Variants in CORO2B observed in about 807,000 individuals in gnomAD.
CORO2B encodes the protein coronin 2B.
CORO2B carries 26 observed loss-of-function variants against 58.8 expected under a neutral mutation model. The ratio of observed to expected loss-of-function variants is 0.44; its 90% CI spans 0.32 to 0.61. CORO2B has a LOEUF of 0.61. Among genes scored for constraint, CORO2B ranks in the 20% least tolerant of loss-of-function variants. CORO2B has a pLI of 0.04. For missense variants in CORO2B, 460 were observed against 645.1 expected, an observed-to-expected ratio of 0.71 and a Z score of 3.11; for synonymous variants, 242 against 253.8, an observed-to-expected ratio of 0.95 and a Z score of 0.44.
rs901841064 is a variant in CORO2B at position 68,726,149 on chromosome 15, GC to G, written c.*176del. 3.4e-5 allele frequency: 26 copies of G among 767,232 alleles called. No homozygotes were observed. Among genetic ancestry groups the G allele is most frequent in the Non-Finnish European group, 4.9e-5 (24 of 490,962 alleles). 47.5% of individuals were successfully genotyped at this position (767,232 alleles called of 1,614,324 possible). A position where few individuals can be genotyped will look rare whatever the true frequency, so the allele number is the denominator to read the frequency against. ...CCAACCTCTAACCTCCTGACCTCAT[GC>G]TAATAAAAGTCCCCAGCTTCTGGAG... On this transcript the variant is annotated 3_prime_UTR_variant, in exon 12 of 12. Transcript: ENST00000261861.
At chr15:68,707,261 G>A (rs1022131604) in intron 3 of CORO2B, among the ~76,000 whole-genome samples, 7 of 152,170 alleles carry the variant, frequency 4.6e-5, no homozygotes, top group Non-Finnish European at 1.5e-5. Flanking sequence ...TAAAAATCCA[G>A]TTTTTTAAAG....
chr15:68,537,374 GCA>G, the CORO2B span, among the ~76,000 whole-genome samples: 1 of 152,192 alleles, frequency 6.6e-6, no homozygotes, highest in Non-Finnish European at 1.5e-5. Flanking sequence ...CTAGGCAATA[GCA>G]TGGGCACTCT....
Position 68,617,842 on chromosome 15 carries a change from TG to T in CORO2B, c.16-27314del, listed in dbSNP as rs1444196138. Among the ~76,000 whole-genome samples, 3 of 152,328 alleles carry T rather than the reference TG, an allele frequency of 2.0e-5. No individual in the cohort carries two copies. In the East Asian group the frequency reaches 5.8e-4, roughly 29 times the overall value. On this transcript the variant is annotated intron_variant, in intron 1 of 11. Coordinates refer to ENST00000261861, the MANE Select transcript of CORO2B (RefSeq NM_006091.5). ...CCAGTGGGTGAGCCCTGTGCCTGAA[TG>T]GGGCCCTTAGAGATTGTGGCTGAAT...
chr15:68,682,600 G>T (rs1902827172), intron 2 of CORO2B, among the ~76,000 whole-genome samples: 1 of 152,174 alleles, frequency 6.6e-6, no homozygotes, highest in Non-Finnish European at 1.5e-5. Context: ...GCAGGACTCA[G>T]TGAGCGATTG....
At chr15:68,685,083 G>C (rs750294947) in intron 2 of CORO2B, among the ~76,000 whole-genome samples, 26 of 152,322 alleles carry the variant, frequency 1.7e-4, no homozygotes, top group South Asian at 4.1e-4. Flanking sequence ...TCACCCATCT[G>C]CTGGGTTCAG....
chr15:68,586,084 G>T (rs545700719), intron 1 of CORO2B, among the ~76,000 whole-genome samples: 1 of 152,290 alleles, frequency 6.6e-6, no homozygotes, highest in South Asian at 2.1e-4. Context: ...ATGGCAGTCT[G>T]TCATTTACTT....
At chr15:68,551,071 T>TG in the CORO2B span, among the ~76,000 whole-genome samples, 2 of 152,024 alleles carry the variant, frequency 1.3e-5, no homozygotes, top group Non-Finnish European at 2.9e-5. Context: ...CCTGACTCTC[T>TG]GGGGGGAAGA....
At chr15:68,677,040 CTGGGAT>C (rs1281211849) in intron 2 of CORO2B, among the ~76,000 whole-genome samples, 1 of 152,182 alleles carries the variant, frequency 6.6e-6, no homozygotes, top group East Asian at 1.9e-4. Flanking sequence ...TCCCAAAATG[CTGGGAT>C]TACAGGCATG....
intron 2 of CORO2B, among the ~76,000 whole-genome samples, chr15:68,656,402 G>A (rs1296914713): frequency 2.0e-5 from 3 of 151,880 alleles, no homozygotes; most frequent in African/African-American, 7.3e-5. Context: ...CAAGTGGGTC[G>A]TCAGGTGAGC....
rs1456352274 is a variant in CORO2B at position 68,710,280 on chromosome 15, G to A, written c.334-452G>A. Reference sequence around the variant, plus strand: ...TCCCCCTGCCCAGGGGTCCATCCTGGGTGGGGGACACAGTGGGGGATAAGG... The same window carrying A: ...TCCCCCTGCCCAGGGGTCCATCCTGAGTGGGGGACACAGTGGGGGATAAGG... On this transcript the variant is annotated intron_variant, in intron 3 of 11. Transcript: ENST00000261861. The surrounding 1 kb of genome is among the most constrained non-coding windows in gnomAD (Gnocchi z 4.1). Among the ~76,000 whole-genome samples the A allele has an allele frequency of 6.6e-6, 1 of 152,172 alleles. No individual in the cohort carries two copies. Among genetic ancestry groups the A allele is most frequent in the Non-Finnish European group, 1.5e-5 (1 of 68,034 alleles).
chr15:68,698,458 T>C (rs1259938098), intron 3 of CORO2B, among the ~76,000 whole-genome samples: 2 of 152,126 alleles, frequency 1.3e-5, no homozygotes, highest in African/African-American at 2.4e-5. Context: ...TGCCTCATGC[T>C]CCAGGACCCC....
chr15:68,553,530 T>C, the CORO2B span, among the ~76,000 whole-genome samples: 1 of 152,202 alleles, frequency 6.6e-6, no homozygotes, highest in African/African-American at 2.4e-5. Context: ...GCCAACGCCT[T>C]GGTTTTAGCC....
chr15:68,693,248 G>C (rs951064034), intron 2 of CORO2B, among the ~76,000 whole-genome samples: 1 of 152,168 alleles, frequency 6.6e-6, no homozygotes, highest in African/African-American at 2.4e-5. Context: ...AAACGATCTG[G>C]AAATGAGCCG....
rs1892647401 is a variant in CORO2B at position 68,701,489 on chromosome 15, T to TTA, written c.333+6234_333+6235insAT. ...ACCACGCCCGGCTAATTTTTTTTTTTTTTTTTTTTTTTTTGAGACGGAGTT... is the reference window on the plus strand; with the variant it reads ...ACCACGCCCGGCTAATTTTTTTTTTTTATTTTTTTTTTTTTTGAGACGGAGTT... On this transcript the variant is annotated intron_variant, in intron 3 of 11. Coordinates refer to ENST00000261861, the MANE Select transcript of CORO2B (RefSeq NM_006091.5). Among the ~76,000 whole-genome samples the TTA allele has an allele frequency of 3.4e-5, 4 of 118,238 alleles. No homozygotes were observed. In the South Asian group the frequency reaches 1.3e-3, roughly 38 times the overall value. 77.6% of individuals were successfully genotyped at this position (118,238 alleles called of 152,430 possible).
chr15:68,629,587 G>A (rs1900772023), intron 1 of CORO2B, among the ~76,000 whole-genome samples: 1 of 152,200 alleles, frequency 6.6e-6, no homozygotes, highest in African/African-American at 2.4e-5. Context: ...CCCAGGTGCT[G>A]GGGATGAAAC....
the CORO2B span, among the ~76,000 whole-genome samples, chr15:68,562,853 G>A: frequency 1.6e-3 from 242 of 151,728 alleles, 3 homozygotes; most frequent in African/African-American, 5.7e-3. Flanking sequence ...GGCAGGCGCC[G>A]GTAGAACCAG....
At chr15:68,530,779 G>A in the CORO2B span, among the ~76,000 whole-genome samples, 1 of 152,046 alleles carries the variant, frequency 6.6e-6, no homozygotes, top group Admixed American at 6.6e-5. Context: ...AGTCAAACCA[G>A]TTTTCTTATG....
At chr15:68,563,764 C>CA in the CORO2B span, among the ~76,000 whole-genome samples, 1 of 151,900 alleles carries the variant, frequency 6.6e-6, no homozygotes, top group South Asian at 2.1e-4. Context: ...AATTGTATGC[C>CA]AAAAAACTAG....
the CORO2B span, among the ~76,000 whole-genome samples, chr15:68,544,990 T>C: frequency 2.0e-5 from 3 of 152,184 alleles, no homozygotes; most frequent in Non-Finnish European, 4.4e-5. Flanking sequence ...TTAGCCAGGA[T>C]GGTCTCGATC....
Sources: gnomAD v4.1 joint callset for allele counts (sites outside exome capture counted in the v4.1 genomes callset) on GRCh38, gnomAD v4.1.1 for gene constraint, Gnocchi (gnomAD v3.1) non-coding constraint, MANE v1.5 for transcripts, NCBI Gene and HGNC (gene_info 2026-07-23, HGNC 2026-07-21) for gene names.